L3MBTL4: variants seen among roughly 807,000 people sequenced by gnomAD.
L3MBTL4 encodes the protein L3MBTL histone methyl-lysine binding protein 4.
L3MBTL4 carries 70 observed loss-of-function variants against 84.5 expected under a neutral mutation model. The ratio of observed to expected loss-of-function variants is 0.83; its 90% CI spans 0.68 to 1.01. The LOEUF (loss-of-function observed/expected upper bound fraction) is 1.01. Ranked by LOEUF, L3MBTL4 falls within the 50% of genes least tolerant of loss-of-function variation. The pLI is 0.00. For synonymous variants in L3MBTL4, 274 were observed against 259.8 expected (o/e 1.05, Z -0.52); for missense variants, 715 against 754.8 (o/e 0.95, Z 0.62).
At chr18:6,034,166 A>C (rs1312034058) in intron 16 of L3MBTL4, among the ~76,000 whole-genome samples, 1 of 151,658 alleles carries the variant, frequency 6.6e-6, no homozygotes, top group African/African-American at 2.4e-5. Flanking sequence ...TTATTATTAT[A>C]CTTTAAGTTT....
rs1309802918 is a variant in L3MBTL4, at chr18:6,192,986, G to T, written c.981+20163C>A. Reference sequence around the variant, plus strand: ...AGATGAAAATGCAGTACAATCAACGGATTAGAGGCCCTGAGGGCTGCAGAT... The same window carrying T: ...AGATGAAAATGCAGTACAATCAACGTATTAGAGGCCCTGAGGGCTGCAGAT... On this transcript the variant is annotated intron_variant, in intron 12 of 18. Coordinates refer to ENST00000317931, the MANE Select transcript of L3MBTL4 (RefSeq NM_001330559.2). Among the ~76,000 whole-genome samples, 9 of 152,242 alleles carry T rather than the reference G, an allele frequency of 5.9e-5. No individual in the cohort carries two copies. In the East Asian group the frequency reaches 1.4e-3, roughly 23 times the overall value.
At chr18:6,325,392 C>T (rs1330846358) in intron 1 of L3MBTL4, among the ~76,000 whole-genome samples, 1 of 151,988 alleles carries the variant, frequency 6.6e-6, no homozygotes, top group Non-Finnish European at 1.5e-5. Context: ...GCTATGTTGC[C>T]CAGGCTGAAC....
intron 1 of L3MBTL4, among the ~76,000 whole-genome samples, chr18:6,411,866 G>T (rs1322658103): frequency 6.6e-6 from 1 of 152,108 alleles, no homozygotes; most frequent in Non-Finnish European, 1.5e-5. Context: ...TGAGCCAAAT[G>T]ATATGTTTAG....
chr18:6,306,564 T>C (rs1257960622), intron 3 of L3MBTL4, among the ~76,000 whole-genome samples: 1 of 152,204 alleles, frequency 6.6e-6, no homozygotes, highest in Non-Finnish European at 1.5e-5. Context: ...TCAGTATCTA[T>C]TTAAGGATAT....
intron 16 of L3MBTL4, among the ~76,000 whole-genome samples, chr18:6,077,497 G>A (rs1159989585): frequency 6.6e-6 from 1 of 151,988 alleles, no homozygotes; most frequent in Non-Finnish European, 1.5e-5. Flanking sequence ...TGAAAATGAT[G>A]GGTAGTCTTT....
Position 5,955,997 on chromosome 18 carries a change from A to G in L3MBTL4, c.*223T>C, listed in dbSNP as rs187541612. ...CTGAGCGGATCCCACCAAAGATAAC[A>G]ATGTTCGTAAACCAAACCCACAGAT... On this transcript the variant is annotated 3_prime_UTR_variant, in exon 19 of 19. Coordinates refer to ENST00000317931, the MANE Select transcript of L3MBTL4 (RefSeq NM_001330559.2). 3.9e-4 allele frequency: 184 copies of G among 472,628 alleles called. No individual in the cohort carries two copies. Among genetic ancestry groups the G allele is most frequent in the African/African-American group, 3.2e-3 (165 of 50,870 alleles). 29.3% of individuals were successfully genotyped at this position (472,628 alleles called of 1,614,324 possible). A position where few individuals can be genotyped will look rare whatever the true frequency, so the allele number is the denominator to read the frequency against.
chr18:6,146,590 G>T (rs1411784793), intron 13 of L3MBTL4, among the ~76,000 whole-genome samples: 1 of 152,228 alleles, frequency 6.6e-6, no homozygotes, highest in Non-Finnish European at 1.5e-5. Context: ...AAGCCTGATG[G>T]AGGTTCACGG....
intron 16 of L3MBTL4, among the ~76,000 whole-genome samples, chr18:6,016,766 C>T (rs2055001280): frequency 6.6e-6 from 1 of 152,192 alleles, no homozygotes; most frequent in African/African-American, 2.4e-5. Context: ...GAGCCCCTGA[C>T]TTCGTTTTAG....
At chr18:6,347,309 G>A (rs1250610758) in intron 1 of L3MBTL4, among the ~76,000 whole-genome samples, 1 of 151,884 alleles carries the variant, frequency 6.6e-6, no homozygotes, top group Non-Finnish European at 1.5e-5. Flanking sequence ...GTTAAAGTCT[G>A]TTAAGAGGGT....
intron 1 of L3MBTL4, among the ~76,000 whole-genome samples, chr18:6,368,554 GTAT>G (rs1366138835): frequency 2.6e-5 from 4 of 152,018 alleles, no homozygotes; most frequent in Admixed American, 2.0e-4. Flanking sequence ...TGAGGTATAG[GTAT>G]TATTATCTTC....
At chr18:6,322,305 T>G (rs2051447633) in intron 1 of L3MBTL4, among the ~76,000 whole-genome samples, 1 of 150,028 alleles carries the variant, frequency 6.7e-6, no homozygotes, top group South Asian at 2.1e-4. Context: ...GGCACTCCAC[T>G]CCATTCTGGG....
intron 13 of L3MBTL4, among the ~76,000 whole-genome samples, chr18:6,167,487 A>G (rs1334045187): frequency 2.6e-5 from 4 of 152,070 alleles, no homozygotes; most frequent in Non-Finnish European, 4.4e-5. Context: ...CCATGATCAA[A>G]TGGGCTTCAT....
chr18:6,392,964 T>A (rs1035876666), intron 1 of L3MBTL4, among the ~76,000 whole-genome samples: 1 of 152,062 alleles, frequency 6.6e-6, no homozygotes, highest in Non-Finnish European at 1.5e-5. Flanking sequence ...AAAAACTACA[T>A]ATCAGATACA....
At chr18:6,275,278 G>A (rs753902968) in intron 4 of L3MBTL4, among the ~76,000 whole-genome samples, 11 of 152,128 alleles carry the variant, frequency 7.2e-5, no homozygotes, top group African/African-American at 1.7e-4. Flanking sequence ...CCAGAGAAAC[G>A]GGAGGAATGC....
At chr18:6,286,913 A>G (rs1052211869) in intron 4 of L3MBTL4, among the ~76,000 whole-genome samples, 1 of 152,090 alleles carries the variant, frequency 6.6e-6, no homozygotes, top group Non-Finnish European at 1.5e-5. Context: ...TCTGTTCACA[A>G]GGGTTCTTTT....
At chr18:5,959,872 C>T (rs1040495721) in intron 18 of L3MBTL4, among the ~76,000 whole-genome samples, 5 of 151,972 alleles carry the variant, frequency 3.3e-5, no homozygotes, top group Non-Finnish European at 7.4e-5. Context: ...CGGAGACTGA[C>T]CCAGCTTGGT....
At chr18:6,032,273 G>C in intron 16 of L3MBTL4, 1 of 948,372 alleles carries the variant, frequency 1.1e-6, no homozygotes, top group Non-Finnish European at 1.2e-6. Context: ...CACCGCACTC[G>C]GCCTTAAATT....
intron 1 of L3MBTL4, among the ~76,000 whole-genome samples, chr18:6,373,673 C>T (rs773261625): frequency 6.6e-6 from 1 of 151,976 alleles, no homozygotes; most frequent in African/African-American, 2.4e-5. Flanking sequence ...AATACATCTT[C>T]GAGTGAATCA....
intron 5 of L3MBTL4, chr18:6,260,251 CT>C (rs1408540875): frequency 3.3e-5 from 5 of 152,084 alleles, no homozygotes; most frequent in Admixed American, 2.6e-4. Context: ...CTTAGGATTG[CT>C]TTCACTATTT....
Sources: allele counts gnomAD v4.1 joint callset (sites outside exome capture counted in the v4.1 genomes callset), GRCh38; gene constraint gnomAD v4.1.1; transcripts MANE v1.5; gene names NCBI Gene and HGNC (gene_info 2026-07-23, HGNC 2026-07-21).